Variants in B3GALT1 observed in about 807,000 individuals in gnomAD.
B3GALT1 encodes UDP-Gal:betaGlcNAc beta 1,3-galactosyltransferase, polypeptide 1.
A neutral mutation model predicts 23.2 loss-of-function variants in B3GALT1; 10 were observed. That is an observed-to-expected ratio of 0.43 (90% CI 0.27 to 0.73). The LOEUF is 0.73. Among genes scored for constraint, B3GALT1 ranks in the 30% least tolerant of loss-of-function variants. The pLI is 0.21. For synonymous variants in B3GALT1, 156 were observed against 141.5 expected, an observed-to-expected ratio of 1.10 and a Z score of -0.73; for missense variants, 299 against 405.4, an observed-to-expected ratio of 0.74 and a Z score of 2.25.
intron 3 of B3GALT1, among the ~76,000 whole-genome samples, chr2:167,689,163 T>C (rs1686669546): frequency 6.8e-6 from 1 of 147,606 alleles, no homozygotes; most frequent in South Asian, 2.1e-4. Context: ...AAAAAAATCC[T>C]TGAAAGCAAC....
At chr2:167,391,742 G>A (rs1379866300) in intron 1 of B3GALT1, among the ~76,000 whole-genome samples, 1 of 152,072 alleles carries the variant, frequency 6.6e-6, no homozygotes, top group African/African-American at 2.4e-5. Flanking sequence ...TACAGTCCCA[G>A]TTTTGGTGTT....
chr2:167,443,210 C>A (rs1698923175), intron 1 of B3GALT1, among the ~76,000 whole-genome samples: 2 of 151,860 alleles, frequency 1.3e-5, no homozygotes, highest in Non-Finnish European at 2.9e-5. Context: ...TTTCTGAGGG[C>A]TCTGTTCTGT....
chr2:167,628,177 G>A (rs184262087), intron 2 of B3GALT1, among the ~76,000 whole-genome samples: 37 of 151,590 alleles, frequency 2.4e-4, no homozygotes, highest in African/African-American at 8.0e-4. Context: ...TCTTAACAGT[G>A]TACATTGTGT....
At chr2:167,616,940 A>G (rs945701396) in intron 2 of B3GALT1, among the ~76,000 whole-genome samples, 7 of 152,130 alleles carry the variant, frequency 4.6e-5, no homozygotes, top group Non-Finnish European at 7.4e-5. Context: ...GAAGCAGACA[A>G]TCATGTCAGT....
chr2:167,547,414 G>C (rs1264218800), intron 2 of B3GALT1, among the ~76,000 whole-genome samples: 1 of 152,074 alleles, frequency 6.6e-6, no homozygotes, highest in African/African-American at 2.4e-5. Flanking sequence ...AAGTCACAGA[G>C]GGCCGGGCGC....
chr2:167,318,013 C>G (rs953475787), intron 1 of B3GALT1, among the ~76,000 whole-genome samples: 1 of 151,998 alleles, frequency 6.6e-6, no homozygotes, highest in Non-Finnish European at 1.5e-5. Flanking sequence ...TTTGCACTTT[C>G]AATATTCTGA....
intron 2 of B3GALT1, among the ~76,000 whole-genome samples, chr2:167,491,424 T>C (rs563042696): frequency 1.9e-4 from 29 of 152,010 alleles, no homozygotes; most frequent in African/African-American, 6.7e-4. Context: ...ACCAGAATTG[T>C]AGTCTTTGTT....
chr2:167,530,938 A>G (rs1683315947), intron 2 of B3GALT1, among the ~76,000 whole-genome samples: 1 of 152,204 alleles, frequency 6.6e-6, no homozygotes, highest in African/African-American at 2.4e-5. Context: ...GGTACATAAT[A>G]GGTGCACTAA....
intron 1 of B3GALT1, among the ~76,000 whole-genome samples, chr2:167,357,143 T>A (rs1697429047): frequency 6.6e-6 from 1 of 152,064 alleles, no homozygotes; most frequent in African/African-American, 2.4e-5. Flanking sequence ...ATGTAAAAAG[T>A]GTATAATACA....
chr2:167,512,650 A>T (rs60884088), intron 2 of B3GALT1, among the ~76,000 whole-genome samples: 25,809 of 119,082 alleles, frequency 0.22, 4,215 homozygotes, highest in East Asian at 0.36. Context: ...ATATATATAT[A>T]TTTTGAGATA....
At chr2:167,825,371 G>T (rs1044962965) in intron 4 of B3GALT1, among the ~76,000 whole-genome samples, 3 of 150,178 alleles carry the variant, frequency 2.0e-5, no homozygotes, top group Admixed American at 6.6e-5. Flanking sequence ...TGAGGAACTT[G>T]TTAGCAAAGG....
chr2:167,711,980 T>A (rs959423426), intron 3 of B3GALT1, among the ~76,000 whole-genome samples: 3 of 152,204 alleles, frequency 2.0e-5, no homozygotes, highest in African/African-American at 7.2e-5. Flanking sequence ...AAATAAAAAA[T>A]TTCCACCATT....
intron 3 of B3GALT1, among the ~76,000 whole-genome samples, chr2:167,703,960 T>C (rs186411403): frequency 2.0e-5 from 3 of 152,104 alleles, no homozygotes; most frequent in African/African-American, 4.8e-5. Flanking sequence ...GGCGGGCGGA[T>C]CACGAGGTCA....
chr2:167,355,077 C>A (rs1697379712), intron 1 of B3GALT1, among the ~76,000 whole-genome samples: 1 of 152,216 alleles, frequency 6.6e-6, no homozygotes, highest in African/African-American at 2.4e-5. Context: ...CCAACAAAAG[C>A]AGCATGCCTA....
At chr2:167,459,884 G>A (rs996656940) in intron 1 of B3GALT1, among the ~76,000 whole-genome samples, 2 of 152,014 alleles carry the variant, frequency 1.3e-5, no homozygotes, top group Non-Finnish European at 2.9e-5. Context: ...TTGACAGGGT[G>A]TTTTTGTTTT....
intron 1 of B3GALT1, among the ~76,000 whole-genome samples, chr2:167,393,233 C>G (rs1005868457): frequency 3.5e-5 from 4 of 114,874 alleles, no homozygotes; most frequent in African/African-American, 1.3e-4. Flanking sequence ...GACTCCGTCT[C>G]AAAAGAAAAA....
chr2:167,515,096 G>A (rs1458473029), intron 2 of B3GALT1, among the ~76,000 whole-genome samples: 2 of 152,064 alleles, frequency 1.3e-5, no homozygotes, highest in East Asian at 3.9e-4. Flanking sequence ...TGTCATTCAT[G>A]CATTCATTTT....
At position 167,762,091 on chromosome 2, in the gene B3GALT1, G is replaced by A. The variant is rs550394363; in HGVS notation, c.-351-56581G>A. On this transcript the variant is annotated intron_variant, in intron 3 of 4. Transcript: ENST00000392690. Reference sequence around the variant, plus strand: ...CTAATTAAAAAATATATGTAGATAGGGAAAGGTACATAAAATATAGAAATA... The same window carrying A: ...CTAATTAAAAAATATATGTAGATAGAGAAAGGTACATAAAATATAGAAATA... Among the ~76,000 whole-genome samples the A allele has an allele frequency of 3.9e-5, 6 of 152,188 alleles. 1 individual carries two copies. In the South Asian group the frequency reaches 1.2e-3, roughly 32 times the overall value.
chr2:167,653,068 A>T (rs1195889391), intron 3 of B3GALT1, among the ~76,000 whole-genome samples: 2 of 152,166 alleles, frequency 1.3e-5, no homozygotes, highest in African/African-American at 4.8e-5. Context: ...TCATTTATTG[A>T]AGGGAATATC....
Sources: gnomAD v4.1 joint callset for allele counts (sites outside exome capture counted in the v4.1 genomes callset) on GRCh38, gnomAD v4.1.1 for gene constraint, MANE v1.5 for transcripts, NCBI Gene and HGNC (gene_info 2026-07-23, HGNC 2026-07-21) for gene names.